Variants in MID1 observed in about 807,000 individuals in gnomAD.
MID1 encodes E3 ubiquitin-protein ligase Midline-1.
MID1 carries 7 observed loss-of-function variants against 40.4 expected under a neutral mutation model. The observed-to-expected ratio is 0.17, with a 90% confidence interval of 0.10 to 0.33. The LOEUF (loss-of-function observed/expected upper bound fraction) is 0.33, where lower values mean the gene tolerates loss of function less well. Among genes scored for constraint, MID1 ranks in the 10% least tolerant of loss-of-function variants. MID1 has a pLI of 1.00. For missense variants in MID1, 367 were observed against 558.5 expected (o/e 0.66, Z 3.46); for synonymous variants, 229 against 221.2 (o/e 1.04, Z -0.31).
intron 3 of MID1, among the ~76,000 whole-genome samples, chrX:10,510,735 G>C (rs897972173): frequency 9.9e-6 from 1 of 101,429 alleles, no homozygotes; most frequent in African/African-American, 3.7e-5. Context: ...GGGAGGCTGA[G>C]ACAGGAGAAT....
In MID1 at chrX:10,449,085, C is replaced by T; in HGVS notation, c.*283G>A. The T allele has an allele frequency of 7.1e-6, 2 of 282,550 alleles. No homozygotes were observed. The highest frequency in any genetic ancestry group is 1.2e-5 in the Non-Finnish European group (2 of 160,969). 23.3% of individuals were successfully genotyped at this position (282,550 alleles called of 1,213,427 possible). A position where few individuals can be genotyped will look rare whatever the true frequency, so the allele number is the denominator to read the frequency against. ...CTTATGGGCCTCTTAATGTGCAAAA[C>T]CAAGTAATTCCTAAAAGTTGTAATC... On this transcript the variant is annotated 3_prime_UTR_variant, in exon 10 of 10. Coordinates refer to ENST00000317552, the MANE Select transcript of MID1 (RefSeq NM_000381.4).
At chrX:10,502,405 A>G (rs1931595416) in intron 3 of MID1, among the ~76,000 whole-genome samples, 1 of 112,157 alleles carries the variant, frequency 8.9e-6, no homozygotes, top group Non-Finnish European at 1.9e-5. Flanking sequence ...CACTGAAGTA[A>G]GCTTGGGACA....
At chrX:10,615,847 T>C (rs751312518) in intron 1 of MID1, among the ~76,000 whole-genome samples, 6 of 112,667 alleles carry the variant, frequency 5.3e-5, no homozygotes, top group Non-Finnish European at 1.1e-4. Flanking sequence ...ATCAAAGGAA[T>C]TGATAATGAG....
intron 9 of MID1, among the ~76,000 whole-genome samples, chrX:10,451,052 GGTGT>G (rs1671851655): frequency 9.0e-6 from 1 of 111,593 alleles, no homozygotes; most frequent in Non-Finnish European, 1.9e-5. Context: ...CTTTAAGAGT[GGTGT>G]GTTTGTTTAA....
At chrX:10,805,232 C>G (rs1322908771) in intron 1 of MID1, among the ~76,000 whole-genome samples, 1 of 86,163 alleles carries the variant, frequency 1.2e-5, no homozygotes, top group Admixed American at 1.3e-4. Flanking sequence ...CCCCCCACCC[C>G]ACAACAGTCC....
intron 1 of MID1, among the ~76,000 whole-genome samples, chrX:10,809,067 A>C (rs1445336705): frequency 8.9e-6 from 1 of 111,961 alleles, no homozygotes; most frequent in East Asian, 2.8e-4. Context: ...CAACGAACTC[A>C]AACAAACTTA....
intron 1 of MID1, among the ~76,000 whole-genome samples, chrX:10,617,152 T>C (rs1050657706): frequency 1.8e-5 from 2 of 112,235 alleles, no homozygotes; most frequent in Non-Finnish European, 3.8e-5. Flanking sequence ...AGGTAGTCTT[T>C]CTGGGTGGGT....
chrX:10,567,270 C>T lies in MID1; in HGVS notation c.278G>A (p.Gly93Glu), dbSNP rs1366901870. The T allele has an allele frequency of 2.5e-6, 3 of 1,202,579 alleles. No individual in the cohort carries two copies. The highest frequency in any genetic ancestry group is 1.8e-5 in the African/African-American group (1 of 56,802). The change falls in exon 2 of 10, where the codon GGG (glycine) becomes GAG (glutamate). Residue 93 changes from glycine (G) to glutamate (E), a missense_variant. Transcript: ENST00000317552. The stretch of plus-strand genomic sequence containing the variant: ...ACGGGTCTCGCTGGGAGAGTTGGGC[C>T]CGCTCACTGATGCTTTCTGGAACCT... The part of the protein sequence containing the change: ...IDRFQKASVS[G>E]PNSPSETRRE...
chrX:10,721,217 T>G (rs2043352313), intron 1 of MID1, among the ~76,000 whole-genome samples: 2 of 110,906 alleles, frequency 1.8e-5, no homozygotes, highest in Admixed American at 1.9e-4. Context: ...GAAAAATAAA[T>G]AAAGAAAAAT....
chrX:10,479,524 TCCTTCTACTCTCTA>T (rs1569059790), intron 5 of MID1, among the ~76,000 whole-genome samples: 1 of 110,474 alleles, frequency 9.1e-6, no homozygotes, highest in African/African-American at 3.3e-5. Flanking sequence ...CTGGTAACCA[TCCTTCTACTCTCTA>T]TGTCCGTGAG....
intron 1 of MID1, among the ~76,000 whole-genome samples, chrX:10,749,167 C>G (rs750088284): frequency 9.0e-6 from 1 of 110,800 alleles, no homozygotes; most frequent in Non-Finnish European, 1.9e-5. Flanking sequence ...TGATATTTGA[C>G]AAGACCTAAA....
chrX:10,683,136 T>A (rs1206727655), intron 1 of MID1, among the ~76,000 whole-genome samples: 1 of 112,355 alleles, frequency 8.9e-6, no homozygotes, highest in African/African-American at 3.2e-5. Context: ...TGAGAGCTGT[T>A]ATTTCAACCC....
intron 1 of MID1, among the ~76,000 whole-genome samples, chrX:10,644,035 T>C: frequency 9.0e-6 from 1 of 110,752 alleles, no homozygotes; most frequent in Non-Finnish European, 1.9e-5. Flanking sequence ...GGGATAGCAT[T>C]AGGAGATATA....
At chrX:10,467,814 A>G (rs1156406413) in intron 7 of MID1, among the ~76,000 whole-genome samples, 1 of 111,877 alleles carries the variant, frequency 8.9e-6, no homozygotes, top group African/African-American at 3.2e-5. Context: ...GAGCTAGGCC[A>G]ATATAGGTTT....
intron 1 of MID1, among the ~76,000 whole-genome samples, chrX:10,792,119 G>A (rs997248430): frequency 3.4e-4 from 38 of 111,705 alleles, no homozygotes; most frequent in South Asian, 2.6e-3. Flanking sequence ...TTTGTGAGCC[G>A]TATGATCTCT....
intron 1 of MID1, among the ~76,000 whole-genome samples, chrX:10,713,021 G>A (rs2043279205): frequency 9.1e-6 from 1 of 110,173 alleles, no homozygotes; most frequent in African/African-American, 3.3e-5. Flanking sequence ...ATTTTTAGTA[G>A]AGACGGGGTT....
chrX:10,754,901 AT>A (rs1437875810), intron 1 of MID1, among the ~76,000 whole-genome samples: 1 of 112,526 alleles, frequency 8.9e-6, no homozygotes, highest in African/African-American at 3.2e-5. Flanking sequence ...CACTAAACAT[AT>A]GAAAATGTTG....
intron 1 of MID1, among the ~76,000 whole-genome samples, chrX:10,617,616 A>AT (rs1935860682): frequency 8.9e-6 from 1 of 111,942 alleles, no homozygotes; most frequent in African/African-American, 3.2e-5. Context: ...AGAGAATCTG[A>AT]TTTTTCCCCC....
chrX:10,763,105 T>C lies in MID1; in HGVS notation c.-187+70449A>G, dbSNP rs1361097675. 1.2e-4 allele frequency among the ~76,000 whole-genome samples: 13 copies of C among 109,386 alleles called. No individual in the cohort carries two copies. In the Admixed American group the frequency reaches 1.3e-3, roughly 11 times the overall value. 95.0% of individuals were successfully genotyped at this position (109,386 alleles called of 115,157 possible). ...TTCCATTGTAACATGCAAGCAACCATAGACAATATGTATAGAAATTTACAT... is the reference window on the plus strand; with the variant it reads ...TTCCATTGTAACATGCAAGCAACCACAGACAATATGTATAGAAATTTACAT... On this transcript the variant is annotated intron_variant, in intron 1 of 10. Transcript: ENST00000380785.
Sources: gnomAD v4.1 joint callset for allele counts (sites outside exome capture counted in the v4.1 genomes callset) on GRCh38, gnomAD v4.1.1 for gene constraint, MANE v1.5 for transcripts, NCBI Gene and HGNC (gene_info 2026-07-23, HGNC 2026-07-21) for gene names.